The following ARPP21 variants were observed in gnomAD, a reference collection of about 807,000 sequenced individuals.
ARPP21 encodes cAMP-regulated phosphoprotein 21.
A neutral mutation model predicts 113.2 loss-of-function variants in ARPP21; 69 were observed. The ratio of observed to expected loss-of-function variants is 0.61; its 90% CI spans 0.50 to 0.74. The LOEUF (loss-of-function observed/expected upper bound fraction) is 0.74. Among genes scored for constraint, ARPP21 ranks in the 30% least tolerant of loss-of-function variants. The pLI is 0.00. For missense variants in ARPP21, 1,070 were observed against 1,037.4 expected (o/e 1.03, Z -0.43); for synonymous variants, 368 against 375.5 (o/e 0.98, Z 0.23).
At chr3:35,689,687 A>C (rs1397964178) in intron 7 of ARPP21, among the ~76,000 whole-genome samples, 2 of 151,624 alleles carry the variant, frequency 1.3e-5, no homozygotes, top group Non-Finnish European at 3.0e-5. Flanking sequence ...TTGTCAAATA[A>C]GCCAATTATG....
intron 15 of ARPP21, among the ~76,000 whole-genome samples, chr3:35,734,605 A>G (rs1244024570): frequency 6.6e-6 from 1 of 152,342 alleles, no homozygotes; most frequent in East Asian, 1.9e-4. Flanking sequence ...TGCAACATTC[A>G]AAGTTTCTTG....
At chr3:35,706,865 C>T in intron 9 of ARPP21, 109 bp from the exon 10 acceptor site, 1 of 759,244 alleles carries the variant, frequency 1.3e-6, no homozygotes, top group Non-Finnish European at 2.1e-6. Context: ...ATGAAAACCA[C>T]TTGTAAACTT....
Position 35,729,424 on chromosome 3 carries a change from A to G in ARPP21, c.1347A>G (p.Pro449=), listed in dbSNP as rs772955452. The change falls in exon 15 of 21, where the codon CCA becomes CCG. Residue 449 remains proline (P), a synonymous_variant. Coordinates refer to ENST00000684406, the MANE Select transcript of ARPP21 (RefSeq NM_001385562.1). ...AAGSPGCVPY[P]ENGIGGQVAP... ...GCTCTCCAGGCTGTGTGCCTTATCC[A>G]GAGAATGGAATAGGGGGCCAGGTTG... The G allele has an allele frequency of 9.3e-6, 15 of 1,614,138 alleles. No homozygotes were observed. The East Asian group carries it at 2.9e-4, about 31-fold the overall frequency.
intron 13 of ARPP21, among the ~76,000 whole-genome samples, chr3:35,719,261 T>C (rs2092804927): frequency 6.6e-6 from 1 of 152,226 alleles, no homozygotes; most frequent in Non-Finnish European, 1.5e-5. Context: ...GTACAAAATA[T>C]ATTTTAATGT....
intron 1 of ARPP21, among the ~76,000 whole-genome samples, chr3:35,658,594 G>T (rs952920430): frequency 6.6e-6 from 1 of 152,010 alleles, no homozygotes; most frequent in African/African-American, 2.4e-5. Context: ...TGGTGCCAAG[G>T]TTTTTCTCCT....
At chr3:35,659,861 G>C (rs1029714249) in intron 1 of ARPP21, among the ~76,000 whole-genome samples, 1 of 152,202 alleles carries the variant, frequency 6.6e-6, no homozygotes. Context: ...CAAAAGCACT[G>C]TATTGTTCAG....
intron 1 of ARPP21, among the ~76,000 whole-genome samples, chr3:35,667,352 T>C (rs1559546021): frequency 2.0e-5 from 3 of 152,186 alleles, no homozygotes; most frequent in Non-Finnish European, 4.4e-5. Context: ...AATTTAAGAA[T>C]GAAACCACAG....
intron 19 of ARPP21, among the ~76,000 whole-genome samples, chr3:35,758,698 G>C (rs960861034): frequency 3.9e-5 from 6 of 152,032 alleles, no homozygotes; most frequent in African/African-American, 1.4e-4. Flanking sequence ...CTCCTGATTA[G>C]TTTAACCATT....
At chr3:35,709,124 G>A (rs1164152358) in intron 11 of ARPP21, 54 bp downstream of exon 11, 3 of 1,229,486 alleles carry the variant, frequency 2.4e-6, no homozygotes, top group Non-Finnish European at 3.6e-6. Context: ...CAGCAGTAAG[G>A]CTTCCTCATT....
intron 13 of ARPP21, among the ~76,000 whole-genome samples, chr3:35,718,781 T>C (rs925640470): frequency 6.6e-6 from 1 of 152,126 alleles, no homozygotes. Flanking sequence ...TTAAAATATA[T>C]GCCTTTGTAA....
At chr3:35,671,361 A>G (rs1031477651) in intron 1 of ARPP21, among the ~76,000 whole-genome samples, 12 of 152,194 alleles carry the variant, frequency 7.9e-5, no homozygotes, top group Non-Finnish European at 1.3e-4. Context: ...GAATTATTTT[A>G]TATTTCAAGT....
Position 35,683,747 on chromosome 3 carries a change from C to T in ARPP21, c.193C>T (p.Leu65=). 1 of 1,473,448 alleles carries T rather than the reference C, an allele frequency of 6.8e-7. No homozygotes were observed. Among genetic ancestry groups the T allele is most frequent in the South Asian group, 1.1e-5 (1 of 87,086 alleles). 91.3% of individuals were successfully genotyped at this position (1,473,448 alleles called of 1,614,324 possible). A position where few individuals can be genotyped will look rare whatever the true frequency, so the allele number is the denominator to read the frequency against. ...KSKSGAGKGK[L]TRSLAVCEES... ...CTAGTCAGGAGCAGGAAAAGGTAAACTGACTCGCAGCCTTGCTGTCTGTGA... is the reference window on the plus strand; with the variant it reads ...CTAGTCAGGAGCAGGAAAAGGTAAATTGACTCGCAGCCTTGCTGTCTGTGA... Residue 65 remains leucine (L), a synonymous_variant, in exon 5 of 21, where the codon CTG becomes TTG. Transcript: ENST00000684406.
At chr3:35,785,635 G>GGCATTTTC (rs2096616308) in intron 19 of ARPP21, among the ~76,000 whole-genome samples, 1 of 152,184 alleles carries the variant, frequency 6.6e-6, no homozygotes, top group African/African-American at 2.4e-5. Flanking sequence ...CATCTGATGT[G>GGCATTTTC]TACTGCCATT....
chr3:35,712,853 T>C (rs555319478), intron 11 of ARPP21, among the ~76,000 whole-genome samples: 33 of 152,346 alleles, frequency 2.2e-4, no homozygotes, highest in Non-Finnish European at 3.2e-4. Context: ...GCTTATTTTA[T>C]GGTTAATTCT....
rs1157325092 is a variant in ARPP21 at position 35,739,461 on chromosome 3, A to C, written c.1894A>C (p.Thr632Pro). The C allele has an allele frequency of 1.5e-5, 24 of 1,614,036 alleles. No homozygotes were observed. Among genetic ancestry groups the C allele is most frequent in the Non-Finnish European group, 2.0e-5 (24 of 1,180,042 alleles). The change falls in exon 18 of 21, where the codon ACA becomes CCA. Residue 632 changes from threonine to proline, a missense_variant. Coordinates refer to ENST00000684406, the MANE Select transcript of ARPP21 (RefSeq NM_001385562.1). ...AQQPSYVIASTGQQLPTGGFS... is the reference protein window; with the variant it reads ...AQQPSYVIASPGQQLPTGGFS... ...GCAGCCCAGCTATGTAATCGCCTCTACAGGCCAGCAGCTTCCTACAGGAGG... is the reference window on the plus strand; with the variant it reads ...GCAGCCCAGCTATGTAATCGCCTCTCCAGGCCAGCAGCTTCCTACAGGAGG...
chr3:35,770,237 C>T (rs923452091), intron 19 of ARPP21, among the ~76,000 whole-genome samples: 3 of 152,164 alleles, frequency 2.0e-5, no homozygotes, highest in Non-Finnish European at 4.4e-5. Flanking sequence ...ATCTTAGTTC[C>T]GTAGATGTCT....
intron 9 of ARPP21, among the ~76,000 whole-genome samples, chr3:35,697,096 T>C (rs2084355865): frequency 6.6e-6 from 1 of 151,606 alleles, no homozygotes. Context: ...TATCTGAATG[T>C]TTTTGCATAT....
At chr3:35,668,021 A>AGAAGG (rs1559550492) in intron 1 of ARPP21, among the ~76,000 whole-genome samples, 2 of 134,812 alleles carry the variant, frequency 1.5e-5, no homozygotes, top group Admixed American at 1.5e-4. Context: ...GAAGAAGAAG[A>AGAAGG]AGAAGAAGAA....
intron 11 of ARPP21, among the ~76,000 whole-genome samples, chr3:35,709,466 T>G (rs552840379): frequency 6.6e-6 from 1 of 152,148 alleles, no homozygotes; most frequent in Non-Finnish European, 1.5e-5. Context: ...GAAGAGAGAA[T>G]CTGTTTATCT....
Sources: gnomAD v4.1 joint callset for allele counts (sites outside exome capture counted in the v4.1 genomes callset) on GRCh38, gnomAD v4.1.1 for gene constraint, MANE v1.5 for transcripts, NCBI Gene and HGNC (gene_info 2026-07-23, HGNC 2026-07-21) for gene names.